The following CALN1 variants were observed in gnomAD, a reference collection of about 807,000 sequenced individuals.
CALN1 encodes calneuron 1, also known as calcium-binding protein 8.
Under a neutral mutation model 30.6 loss-of-function variants are expected in CALN1, and 17 were observed. The ratio of observed to expected loss-of-function variants is 0.56; its 90% CI spans 0.38 to 0.83. CALN1 has a LOEUF of 0.83. Among genes scored for constraint, CALN1 ranks in the 40% least tolerant of loss-of-function variants. The pLI is 0.00. For synonymous variants in CALN1, 156 were observed against 131.4 expected (o/e 1.19, Z -1.28); for missense variants, 291 against 354.9 (o/e 0.82, Z 1.45).
intron 3 of CALN1, among the ~76,000 whole-genome samples, chr7:72,207,498 T>C (rs1791977193): frequency 6.6e-6 from 1 of 152,122 alleles, no homozygotes; most frequent in Non-Finnish European, 1.5e-5. Context: ...GTAGTAATAT[T>C]TGAGACAGAG....
At chr7:72,325,505 G>A (rs1268002378) in intron 2 of CALN1, among the ~76,000 whole-genome samples, 1 of 152,098 alleles carries the variant, frequency 6.6e-6, no homozygotes, top group Non-Finnish European at 1.5e-5. Context: ...GGAGGCTGAG[G>A]CACAAGAATC....
At chr7:71,904,322 A>G (rs1181465813) in intron 5 of CALN1, among the ~76,000 whole-genome samples, 1 of 152,228 alleles carries the variant, frequency 6.6e-6, no homozygotes, top group African/African-American at 2.4e-5. Flanking sequence ...TGAATGGGTA[A>G]AGAAAATGTA....
rs536869985 is a variant in CALN1 at position 71,846,281 on chromosome 7, C to A, written c.502-35789G>T. On this transcript the variant is annotated intron_variant, in intron 5 of 6. Transcript: ENST00000395275. ...AACCCCTTAAGTGATGTAATTGTTG[C>A]CGTTCTGATTCTCTTATTTTACAGA... Among the ~76,000 whole-genome samples, 121 of 152,260 alleles carry A rather than the reference C, an allele frequency of 7.9e-4. 1 individual carries two copies. Among genetic ancestry groups the A allele is most frequent in the African/African-American group, 2.8e-3 (117 of 41,554 alleles).
chr7:72,485,416 C>G, the CALN1 span, among the ~76,000 whole-genome samples: 1 of 152,154 alleles, frequency 6.6e-6, no homozygotes, highest in African/African-American at 2.4e-5. Flanking sequence ...TTTTTAATCA[C>G]AGAATTTAGA....
intron 1 of CALN1, among the ~76,000 whole-genome samples, chr7:72,445,460 A>G (rs973396745): frequency 2.6e-4 from 39 of 151,574 alleles, no homozygotes; most frequent in African/African-American, 9.4e-4. Context: ...CTCCAACGCC[A>G]CCCTCCCCAA....
At chr7:72,155,452 A>C (rs1787594144) in intron 3 of CALN1, among the ~76,000 whole-genome samples, 1 of 151,292 alleles carries the variant, frequency 6.6e-6, no homozygotes, top group Non-Finnish European at 1.5e-5. Flanking sequence ...AGATCACGCC[A>C]CTGCACTCCA....
At chr7:71,940,544 C>A (rs928535123) in intron 5 of CALN1, among the ~76,000 whole-genome samples, 10 of 152,158 alleles carry the variant, frequency 6.6e-5, no homozygotes, top group Non-Finnish European at 7.3e-5. Flanking sequence ...CTTTCCAATA[C>A]CATGAAACAG....
intron 3 of CALN1, among the ~76,000 whole-genome samples, chr7:72,114,137 T>C (rs1031442146): frequency 6.6e-6 from 1 of 151,296 alleles, no homozygotes; most frequent in African/African-American, 2.4e-5. Flanking sequence ...TCCCAGCATT[T>C]TGGGAGGCTG....
chr7:72,015,433 CTTTT>C (rs60001547), intron 5 of CALN1, among the ~76,000 whole-genome samples: 3 of 136,148 alleles, frequency 2.2e-5, no homozygotes, highest in African/African-American at 5.9e-5. Context: ...TTCTTTCTTT[CTTTT>C]TTTTTTTTTT....
At chr7:71,858,224 T>C (rs536135226) in intron 5 of CALN1, among the ~76,000 whole-genome samples, 31 of 152,312 alleles carry the variant, frequency 2.0e-4, no homozygotes, top group African/African-American at 6.7e-4. Context: ...TCACTCATTC[T>C]TCTCCTTCCT....
intron 5 of CALN1, among the ~76,000 whole-genome samples, chr7:71,847,805 A>AGGAGAAGGAGAAGGAGAAGG (rs1194846379): frequency 8.0e-6 from 1 of 124,424 alleles, no homozygotes; most frequent in Non-Finnish European, 1.6e-5. Flanking sequence ...AAAAGAAGAA[A>AGGAGAAGGAGAAGGAGAAGG]AGAAGGAGAA....
chr7:71,914,605 G>GT (rs1794593578), intron 5 of CALN1, among the ~76,000 whole-genome samples: 1 of 151,830 alleles, frequency 6.6e-6, no homozygotes, highest in Non-Finnish European at 1.5e-5. Context: ...CTGTCTTTAG[G>GT]TCTTTGAGGA....
intron 4 of CALN1, among the ~76,000 whole-genome samples, chr7:72,075,281 C>T (rs779277642): frequency 6.6e-6 from 1 of 152,176 alleles, no homozygotes; most frequent in Non-Finnish European, 1.5e-5. Flanking sequence ...CTAAAGCACC[C>T]TCACAGCAAC....
intron 2 of CALN1, among the ~76,000 whole-genome samples, chr7:72,314,292 T>A (rs1800262642): frequency 6.6e-6 from 1 of 152,052 alleles, no homozygotes; most frequent in Non-Finnish European, 1.5e-5. Flanking sequence ...TAAAAAGCCA[T>A]TTAATACTAT....
chr7:71,851,205 T>TTAAACA (rs1172746650), intron 5 of CALN1, among the ~76,000 whole-genome samples: 3 of 59,884 alleles, frequency 5.0e-5, no homozygotes, highest in Admixed American at 1.9e-4. Context: ...AGACCTTGTC[T>TTAAACA]CAAACACACA....
At chr7:72,125,846 G>A (rs1808723167) in intron 3 of CALN1, among the ~76,000 whole-genome samples, 1 of 136,936 alleles carries the variant, frequency 7.3e-6, no homozygotes, top group African/African-American at 2.8e-5. Flanking sequence ...CTGTCGCCCA[G>A]GCTAGAGTGC....
At chr7:72,121,694 G>A (rs1183696147) in intron 3 of CALN1, among the ~76,000 whole-genome samples, 2 of 148,328 alleles carry the variant, frequency 1.3e-5, no homozygotes, top group Non-Finnish European at 3.0e-5. Flanking sequence ...CCAGAAACAT[G>A]TTTGATTATT....
chr7:72,502,239 G>A, the CALN1 span, among the ~76,000 whole-genome samples: 2 of 149,542 alleles, frequency 1.3e-5, no homozygotes, highest in Admixed American at 1.3e-4. Flanking sequence ...GTGGGGCGGG[G>A]AGGAATTATT....
chr7:72,329,061 A>G (rs749718450), intron 2 of CALN1, among the ~76,000 whole-genome samples: 29 of 152,238 alleles, frequency 1.9e-4, no homozygotes, highest in Admixed American at 1.6e-3. Flanking sequence ...GCAAAACCAT[A>G]AAATCATTCA....
Sources: allele counts gnomAD v4.1 joint callset (sites outside exome capture counted in the v4.1 genomes callset), GRCh38; gene constraint gnomAD v4.1.1; transcripts MANE v1.5; gene names NCBI Gene and HGNC (gene_info 2026-07-23, HGNC 2026-07-21).